The following TCTN1 variants were observed in gnomAD, a reference collection of about 807,000 sequenced individuals.
TCTN1 encodes the protein tectonic family member 1.
In TCTN1, 58 loss-of-function variants were observed where a neutral mutation model predicts 65.8. That is an observed-to-expected ratio of 0.88 (90% CI 0.71 to 1.10). The LOEUF is 1.10. Ranked by LOEUF, TCTN1 falls within the 50% of genes least tolerant of loss-of-function variation. The pLI is 0.00. For synonymous variants in TCTN1, 273 were observed against 289.1 expected (o/e 0.94, Z 0.57); for missense variants, 645 against 719.4 (o/e 0.90, Z 1.18).
intron 12 of TCTN1, 112 bp downstream of exon 12, chr12:110,645,241 AG>A: frequency 7.1e-7 from 1 of 1,407,868 alleles, no homozygotes; most frequent in East Asian, 2.4e-5. Flanking sequence ...CCTGAGTGGG[AG>A]CGCGGGCTGA....
At chr12:110,622,145 AAT>A in intron 2 of TCTN1, among the ~76,000 whole-genome samples, 1 of 146,488 alleles carries the variant, frequency 6.8e-6, no homozygotes, top group African/African-American at 2.6e-5. Flanking sequence ...AAAAAAAAAT[AAT>A]AATAATAATA....
chr12:110,642,414 T>G (rs1221716651), intron 11 of TCTN1, 25 bp downstream of exon 11: 2 of 1,614,196 alleles, frequency 1.2e-6, no homozygotes, highest in East Asian at 2.2e-5. Context: ...TGTTTCTGTT[T>G]GAACTTGTGC....
chr12:110,619,146 C>A (rs892211295), intron 1 of TCTN1, among the ~76,000 whole-genome samples: 1 of 151,994 alleles, frequency 6.6e-6, no homozygotes, highest in Non-Finnish European at 1.5e-5. Flanking sequence ...CCATTGCACT[C>A]CAGCCTGGGC....
chr12:110,624,562 T>C (rs959622471), intron 2 of TCTN1, among the ~76,000 whole-genome samples: 2 of 150,668 alleles, frequency 1.3e-5, no homozygotes, highest in African/African-American at 4.9e-5. Context: ...TGGGATTGGT[T>C]GAAGACTTAA....
In TCTN1 at chr12:110,621,707, C is replaced by T. The variant is rs559531166; in HGVS notation, c.341+1751C>T. ...CAGGCTGGTCTTGAACTTCTGACCT[C>T]GTGATCCGCCCACCTCGGCCTCCCA... is the stretch of plus-strand genomic sequence containing the variant. On this transcript the variant is annotated intron_variant, in intron 2 of 14. Transcript: ENST00000397659. Among the ~76,000 whole-genome samples, 11 of 151,748 alleles carry T rather than the reference C, an allele frequency of 7.2e-5. No individual in the cohort carries two copies. In the South Asian group the frequency reaches 8.3e-4, roughly 12 times the overall value.
chr12:110,621,591 G>T (rs1173369449), intron 2 of TCTN1, among the ~76,000 whole-genome samples: 3 of 151,728 alleles, frequency 2.0e-5, no homozygotes, highest in African/African-American at 7.3e-5. Flanking sequence ...TCCTGCCTCA[G>T]CCTCCCAACG....
intron 10 of TCTN1, chr12:110,641,870 TTA>T: frequency 5.2e-6 from 3 of 573,660 alleles, no homozygotes; most frequent in Non-Finnish European, 3.1e-6. Context: ...TTTTTTTTTT[TTA>T]ATCTCCTTTT....
chr12:110,623,017 G>C (rs951824430), intron 2 of TCTN1, among the ~76,000 whole-genome samples: 1 of 152,140 alleles, frequency 6.6e-6, no homozygotes, highest in Non-Finnish European at 1.5e-5. Context: ...CTGACTGGAG[G>C]GGAGTAAGGA....
intron 4 of TCTN1, chr12:110,629,751 C>T (rs2066103212): frequency 6.6e-6 from 1 of 152,260 alleles, no homozygotes; most frequent in Non-Finnish European, 1.5e-5. Flanking sequence ...TGAGTATATA[C>T]CCAAAGGATT....
intron 1 of TCTN1, among the ~76,000 whole-genome samples, chr12:110,618,450 A>G (rs2065198574): frequency 6.6e-6 from 1 of 152,126 alleles, no homozygotes; most frequent in Admixed American, 6.5e-5. Flanking sequence ...CGTGTTAGCC[A>G]GGATGGTCTC....
chr12:110,645,539 C>T (rs1049819303), intron 12 of TCTN1: 27 of 295,550 alleles, frequency 9.1e-5, no homozygotes, highest in South Asian at 3.6e-4. Context: ...ACACGATAGA[C>T]GAATGTTGAG....
At chr12:110,621,278 C>T (rs1167149530) in intron 2 of TCTN1, among the ~76,000 whole-genome samples, 1 of 152,110 alleles carries the variant, frequency 6.6e-6, no homozygotes, top group African/African-American at 2.4e-5. Context: ...CTGTGAGAAA[C>T]TATTTTATTG....
At chr12:110,648,319 C>T (rs1378169479) in intron 14 of TCTN1, among the ~76,000 whole-genome samples, 1 of 152,142 alleles carries the variant, frequency 6.6e-6, no homozygotes, top group East Asian at 1.9e-4. Flanking sequence ...GCACACTGCC[C>T]TTCTCCACTC....
At chr12:110,627,500 C>T (rs192256063) in intron 3 of TCTN1, among the ~76,000 whole-genome samples, 1 of 152,286 alleles carries the variant, frequency 6.6e-6, no homozygotes, top group Admixed American at 6.5e-5. Flanking sequence ...GACCTGTGGG[C>T]ATGCACATTT....
In TCTN1 at chr12:110,647,878, T is replaced by C. The variant is rs2067468250; in HGVS notation, c.1765T>C (p.Phe589Leu). 1 of 1,613,666 alleles carries C rather than the reference T, an allele frequency of 6.2e-7. No individual in the cohort carries two copies. Among genetic ancestry groups the C allele is most frequent in the South Asian group, 1.1e-5 (1 of 91,074 alleles). ...INARLPFNFFFPFV is the reference protein window; with the variant it reads ...INARLPFNFFLPFV The stretch of plus-strand genomic sequence containing the variant: ...TGCCAGGCTGCCCTTTAACTTCTTC[T>C]TCCCGTTTGTTTGACGTAAGTGAGG... The change falls in exon 14 of 15, where the codon TTC (phenylalanine) becomes CTC (leucine). Residue 589 changes from phenylalanine (F) to leucine (L), a missense_variant. Phe to Leu is a conservative substitution (Grantham distance 22). Transcript: ENST00000397659.
intron 3 of TCTN1, among the ~76,000 whole-genome samples, chr12:110,628,389 GGAGTGC>G: frequency 6.7e-6 from 1 of 148,908 alleles, no homozygotes; most frequent in Non-Finnish European, 1.5e-5. Context: ...CACCCAGGCT[GGAGTGC>G]AGTGGCGCTA....
intron 2 of TCTN1, among the ~76,000 whole-genome samples, 177 bp downstream of exon 2, chr12:110,620,133 C>T (rs1397592027): frequency 2.0e-5 from 3 of 152,078 alleles, no homozygotes; most frequent in Non-Finnish European, 4.4e-5. Flanking sequence ...CCTGGCAGGG[C>T]GCAGTGGCTC....
intron 2 of TCTN1, among the ~76,000 whole-genome samples, chr12:110,625,018 A>C (rs989451587): frequency 5.9e-5 from 9 of 152,198 alleles, no homozygotes; most frequent in African/African-American, 2.2e-4. Flanking sequence ...CTAAGCATTA[A>C]ACCTTCCAGA....
chr12:110,631,400 G>A (rs918325093), intron 4 of TCTN1, among the ~76,000 whole-genome samples: 4 of 151,770 alleles, frequency 2.6e-5, no homozygotes, highest in South Asian at 2.1e-4. Flanking sequence ...TTGGGAGGCC[G>A]AGGCGGGCAA....
Sources: allele counts gnomAD v4.1 joint callset (sites outside exome capture counted in the v4.1 genomes callset), GRCh38; gene constraint gnomAD v4.1.1; transcripts MANE v1.5; gene names NCBI Gene and HGNC (gene_info 2026-07-23, HGNC 2026-07-21).